The following FBXL17 variants were observed in gnomAD, a reference collection of about 807,000 sequenced individuals.
The protein encoded by FBXL17 is F-box/LRR-repeat protein 17.
FBXL17 carries 22 observed loss-of-function variants against 66.2 expected under a neutral mutation model. That is an observed-to-expected ratio of 0.33 (90% CI 0.24 to 0.47). The LOEUF is 0.47. Ranked by LOEUF, FBXL17 falls within the 20% of genes least tolerant of loss-of-function variation. The pLI, the probability that FBXL17 is intolerant of heterozygous loss-of-function variation, is 1.00. For missense variants in FBXL17, 878 were observed against 948.2 expected (o/e 0.93, Z 0.97); for synonymous variants, 474 against 400.5 (o/e 1.18, Z -2.19).
chr5:107,897,289 A>C (rs1749416080), intron 7 of FBXL17, among the ~76,000 whole-genome samples: 1 of 152,182 alleles, frequency 6.6e-6, no homozygotes, highest in Non-Finnish European at 1.5e-5. Flanking sequence ...CTAAGATTTA[A>C]GGCAGGAAGA....
intron 7 of FBXL17, among the ~76,000 whole-genome samples, chr5:107,918,536 C>T (rs1429357000): frequency 2.6e-5 from 4 of 152,244 alleles, no homozygotes; most frequent in African/African-American, 9.6e-5. Context: ...GGTAGCCAAA[C>T]AATTTCTGAA....
rs141059143 is a variant in FBXL17, at chr5:107,905,057, C to CTATATA, written c.1823-23884_1823-23879dup. Among the ~76,000 whole-genome samples, 619 of 146,012 alleles carry CTATATA rather than the reference C, an allele frequency of 4.2e-3. 4 individuals are homozygous for CTATATA. The highest frequency in any genetic ancestry group is 0.014 in the African/African-American group (580 of 40,022). On this transcript the variant is annotated intron_variant, in intron 7 of 8. Transcript: ENST00000542267. Reference sequence around the variant, plus strand: ...CAAACAGGGCAGCTGAACTTTTTTGCTATATATATATATATATGGATTGTG... The same window carrying CTATATA: ...CAAACAGGGCAGCTGAACTTTTTTGCTATATATATATATATATATATATGGATTGTG...
chr5:108,235,789 C>T (rs1401227543), intron 4 of FBXL17, among the ~76,000 whole-genome samples: 2 of 152,198 alleles, frequency 1.3e-5, no homozygotes, highest in Non-Finnish European at 2.9e-5. Context: ...GAGTTTGATA[C>T]AGTGTCCCAC....
At chr5:108,363,584 C>T (rs1057484561) in intron 3 of FBXL17, among the ~76,000 whole-genome samples, 1 of 151,940 alleles carries the variant, frequency 6.6e-6, no homozygotes, top group Admixed American at 6.6e-5. Context: ...TACATAATTA[C>T]TCTCAAAGTT....
chr5:108,000,402 T>C (rs1342796082), intron 7 of FBXL17, among the ~76,000 whole-genome samples: 1 of 152,216 alleles, frequency 6.6e-6, no homozygotes, highest in East Asian at 1.9e-4. Flanking sequence ...TATAAAAAAC[T>C]GAATTCTATT....
chr5:108,152,049 G>T (rs113824788), intron 6 of FBXL17, among the ~76,000 whole-genome samples: 2 of 152,184 alleles, frequency 1.3e-5, no homozygotes, highest in African/African-American at 2.4e-5. Context: ...ATTTTGAATC[G>T]CTGGTGAACC....
Position 108,293,990 on chromosome 5 carries a change from G to A in FBXL17, c.1506+54409C>T, listed in dbSNP as rs191903003. Among the ~76,000 whole-genome samples the A allele has an allele frequency of 8.4e-3, 1,123 of 133,752 alleles. 11 individuals are homozygous for A. Among genetic ancestry groups the A allele is most frequent in the African/African-American group, 0.03 (1,062 of 35,516 alleles). The allele number at this position is 133,752 out of a possible 152,430, so 87.7% of individuals were successfully genotyped here. A position where few individuals can be genotyped will look rare whatever the true frequency, so the allele number is the denominator to read the frequency against. ...CAGGAGGCGGAGGCTGCAGTGAGGC[G>A]AGATCATACCACTGCACTCCAGCCT... On this transcript the variant is annotated intron_variant, in intron 4 of 8. Transcript: ENST00000542267.
intron 7 of FBXL17, among the ~76,000 whole-genome samples, chr5:107,968,940 A>C (rs1752256767): frequency 6.6e-6 from 1 of 152,116 alleles, no homozygotes; most frequent in Non-Finnish European, 1.5e-5. Flanking sequence ...ATGACCCCCC[A>C]AAAAAACCCA....
At chr5:108,001,527 G>GT (rs1218941049) in intron 7 of FBXL17, among the ~76,000 whole-genome samples, 2 of 151,528 alleles carry the variant, frequency 1.3e-5, no homozygotes, top group Non-Finnish European at 2.9e-5. Context: ...TTGAGACAGA[G>GT]TCGCACTCCA....
At chr5:108,210,655 A>T (rs1289872507) in intron 5 of FBXL17, among the ~76,000 whole-genome samples, 3 of 152,108 alleles carry the variant, frequency 2.0e-5, no homozygotes, top group Non-Finnish European at 2.9e-5. Flanking sequence ...TTCTAATTTG[A>T]TTGCACTGTG....
intron 4 of FBXL17, among the ~76,000 whole-genome samples, chr5:108,325,899 G>T (rs1222747467): frequency 1.3e-5 from 2 of 152,112 alleles, no homozygotes; most frequent in African/African-American, 4.8e-5. Context: ...ACATTTTCTA[G>T]CCTACAAAAC....
intron 4 of FBXL17, among the ~76,000 whole-genome samples, chr5:108,261,691 C>T (rs896801417): frequency 6.6e-6 from 1 of 151,648 alleles, no homozygotes; most frequent in Non-Finnish European, 1.5e-5. Context: ...TGCAAATATA[C>T]AGGATAGAAG....
intron 7 of FBXL17, among the ~76,000 whole-genome samples, chr5:107,881,695 T>C (rs1396697600): frequency 1.3e-5 from 2 of 152,222 alleles, no homozygotes; most frequent in African/African-American, 4.8e-5. Flanking sequence ...CATTAGCGCT[T>C]CTTGGGACTG....
At chr5:108,270,775 G>A (rs893222747) in intron 4 of FBXL17, among the ~76,000 whole-genome samples, 3 of 151,988 alleles carry the variant, frequency 2.0e-5, no homozygotes, top group African/African-American at 4.8e-5. Context: ...GGACAGTTAT[G>A]TTAACAGTTT....
intron 4 of FBXL17, among the ~76,000 whole-genome samples, chr5:108,235,479 G>A (rs989175684): frequency 2.6e-5 from 4 of 151,918 alleles, no homozygotes; most frequent in African/African-American, 9.7e-5. Flanking sequence ...ATTCTTTTCC[G>A]GGATATTTGG....
intron 6 of FBXL17, among the ~76,000 whole-genome samples, chr5:108,130,037 T>A (rs886411241): frequency 4.6e-5 from 7 of 151,902 alleles, no homozygotes; most frequent in Non-Finnish European, 8.8e-5. Flanking sequence ...AAGAAAAAAT[T>A]GTTTCAAAGG....
intron 4 of FBXL17, among the ~76,000 whole-genome samples, chr5:108,230,878 C>T (rs1215664992): frequency 6.6e-6 from 1 of 152,026 alleles, no homozygotes; most frequent in Non-Finnish European, 1.5e-5. Context: ...CAAAATCTCA[C>T]AAATCACTAT....
chr5:108,066,703 ATCTTTTC>A (rs1385884514), intron 6 of FBXL17, among the ~76,000 whole-genome samples: 11 of 152,054 alleles, frequency 7.2e-5, no homozygotes, highest in African/African-American at 2.6e-4. Context: ...TTATTATTTT[ATCTTTTC>A]TATAAACTTA....
chr5:108,095,834 G>C (rs1473010078), intron 6 of FBXL17, among the ~76,000 whole-genome samples: 1 of 152,082 alleles, frequency 6.6e-6, no homozygotes, highest in Non-Finnish European at 1.5e-5. Flanking sequence ...TTTATGAAGA[G>C]AACTGTCTTC....
Sources: allele counts gnomAD v4.1 joint callset (sites outside exome capture counted in the v4.1 genomes callset), GRCh38; gene constraint gnomAD v4.1.1; transcripts MANE v1.5; gene names NCBI Gene and HGNC (gene_info 2026-07-23, HGNC 2026-07-21).